The following ASMTL variants were observed in gnomAD, a reference collection of about 807,000 sequenced individuals.
The protein encoded by ASMTL is probable bifunctional dTTP/UTP pyrophosphatase/methyltransferase protein.
A neutral mutation model predicts 60.3 loss-of-function variants in ASMTL; 57 were observed. The observed-to-expected ratio is 0.95, with a 90% CI of 0.76 to 1.18. ASMTL has a LOEUF of 1.18. Ranked by LOEUF, ASMTL falls within the 50% of genes most tolerant of loss-of-function variation. The pLI is 0.00. For synonymous variants in ASMTL, 419 were observed against 373.0 expected (o/e 1.12, Z -1.42); for missense variants, 981 against 852.6 (o/e 1.15, Z -1.88).
chrX:1,436,987 C>G (rs756078983), intron 3 of ASMTL, among the ~76,000 whole-genome samples: 5 of 152,080 alleles, frequency 3.3e-5, no homozygotes, highest in Non-Finnish European at 7.4e-5. Flanking sequence ...CTCCTGAAGC[C>G]TCTCTCCTGG....
At chrX:1,448,870 A>G (rs1171681827) in intron 1 of ASMTL, among the ~76,000 whole-genome samples, 12 of 152,232 alleles carry the variant, frequency 7.9e-5, no homozygotes, top group African/African-American at 2.6e-4. Flanking sequence ...ACCATCTTGG[A>G]CACACACCGC....
chrX:1,416,402 CATACAG>C (rs2090264775), intron 11 of ASMTL, among the ~76,000 whole-genome samples: 1 of 82,732 alleles, frequency 1.2e-5, no homozygotes, highest in Non-Finnish European at 2.7e-5. Context: ...CACACACGGA[CATACAG>C]ATACACCAAC....
chrX:1,432,393 C>T lies in ASMTL; in HGVS notation c.401-16G>A, dbSNP rs750575418. The T allele has an allele frequency of 1.4e-4, 220 of 1,603,974 alleles. 1 individual carries two copies. In the Admixed American group the frequency reaches 3.6e-3, roughly 26 times the overall value. On this transcript the variant is annotated splice_polypyrimidine_tract_variant and intron_variant, in intron 5 of 12. Coordinates refer to ENST00000381317, the MANE Select transcript of ASMTL (RefSeq NM_004192.4). ...AGCTGATGGTCTGCAAGGACACAGC[C>T]GTGGGGGTGAGCGTGGACGCCAGCT...
chrX:1,420,430 C>T (rs1293076635), intron 9 of ASMTL, among the ~76,000 whole-genome samples: 5 of 152,166 alleles, frequency 3.3e-5, no homozygotes, highest in African/African-American at 1.2e-4. Context: ...CTGCAGGAAG[C>T]CCCCGGCTCC....
chrX:1,417,131 ACACACAACCACAGCAGTCACATATG>A (rs1285016616), intron 11 of ASMTL, among the ~76,000 whole-genome samples: 3 of 151,888 alleles, frequency 2.0e-5, no homozygotes, highest in East Asian at 1.9e-4. Flanking sequence ...ATGCACACAG[ACACACAACCACAGCAGTCACATATG>A]CACACAACCA....
intron 6 of ASMTL, among the ~76,000 whole-genome samples, chrX:1,430,545 A>C (rs2090741844): frequency 6.6e-6 from 1 of 151,988 alleles, no homozygotes; most frequent in African/African-American, 2.4e-5. Context: ...CTTTGGTGGA[A>C]GGATCGCCTG....
chrX:1,435,866 G>T, intron 3 of ASMTL, 108 bp from the exon 4 acceptor site: 1 of 951,544 alleles, frequency 1.1e-6, no homozygotes, highest in Non-Finnish European at 1.7e-6. Flanking sequence ...AAATGAAGCT[G>T]ACACGTCCTG....
chrX:1,412,900 G>T (rs1201769333), intron 11 of ASMTL, 46 bp from the exon 12 acceptor site: 2 of 1,611,108 alleles, frequency 1.2e-6, no homozygotes, highest in Admixed American at 3.3e-5. Flanking sequence ...TATGGAAGAA[G>T]CAGTCCTCCC....
At chrX:1,427,613 C>T in intron 7 of ASMTL, 121 bp downstream of exon 7, 5 of 1,096,372 alleles carry the variant, frequency 4.6e-6, no homozygotes, top group South Asian at 1.5e-5. Context: ...AAGCATGGCC[C>T]TGAGACAACC....
chrX:1,413,393 C>G (rs1256020340), intron 11 of ASMTL, among the ~76,000 whole-genome samples: 1 of 152,122 alleles, frequency 6.6e-6, no homozygotes. Flanking sequence ...AGCACCTGGG[C>G]GAGGCAGGCA....
intron 9 of ASMTL, among the ~76,000 whole-genome samples, chrX:1,420,487 C>T (rs2090453957): frequency 6.6e-6 from 1 of 152,222 alleles, no homozygotes; most frequent in African/African-American, 2.4e-5. Flanking sequence ...ACTCCGTGCT[C>T]ACTGCCACAG....
chrX:1,435,258 C>T (rs1569534116), intron 4 of ASMTL, 175 bp from the exon 5 acceptor site: 9 of 708,986 alleles, frequency 1.3e-5, no homozygotes, highest in South Asian at 3.4e-5. Context: ...ACGGAGAGGC[C>T]GAGGGAAGGG....
chrX:1,425,591 C>T lies in ASMTL; in HGVS notation c.994G>A (p.Ala332Thr). The change falls in exon 8 of 13, where the codon GCG becomes ACG. Residue 332 changes from alanine to threonine, a missense_variant. Physicochemically the swap from Ala to Thr is moderately conservative, Grantham distance 58. Coordinates refer to ENST00000381317, the MANE Select transcript of ASMTL (RefSeq NM_004192.4). ...ADIASKVDAS[A>T]CGMERLLDIC... is the part of the protein sequence containing the mutation. The stretch of plus-strand genomic sequence containing the variant: ...TCCAGAAGCCTCTCCATTCCACACG[C>T]AGAGGCGTCCACTTTGCTGGCAATA... 6.2e-7 allele frequency: 1 copy of T among 1,613,786 alleles called. No homozygotes were observed.
chrX:1,421,524 G>T, intron 9 of ASMTL, 134 bp downstream of exon 9: 1 of 963,138 alleles, frequency 1.0e-6, no homozygotes, highest in Non-Finnish European at 1.6e-6. Flanking sequence ...AAGTTCTCCA[G>T]GCAGAACGAG....
chrX:1,403,247 T>TA lies in ASMTL; in HGVS notation c.*21dup. On this transcript the variant is annotated 3_prime_UTR_variant, in exon 13 of 13. Transcript: ENST00000381317. Reference sequence around the variant, plus strand: ...TGCAGCCTGGGGGAGGACATCCCTATAATGAACATGCTGCCTGGGCTTCAG... The same window carrying TA: ...TGCAGCCTGGGGGAGGACATCCCTATAAATGAACATGCTGCCTGGGCTTCAG... 6.2e-7 allele frequency: 1 copy of TA among 1,607,352 alleles called. No homozygotes were observed. Among genetic ancestry groups the TA allele is most frequent in the Non-Finnish European group, 8.5e-7 (1 of 1,175,790 alleles).
chrX:1,431,188 T>C (rs2090771400), intron 6 of ASMTL, among the ~76,000 whole-genome samples: 1 of 126,618 alleles, frequency 7.9e-6, no homozygotes, highest in South Asian at 2.3e-4. Context: ...TATAATTATA[T>C]ATAATTATAT....
chrX:1,411,418 C>A (rs1161882855), intron 12 of ASMTL, among the ~76,000 whole-genome samples: 1 of 152,196 alleles, frequency 6.6e-6, no homozygotes, highest in Non-Finnish European at 1.5e-5. Context: ...GTCAGATTCC[C>A]TCAGGGCCAG....
At chrX:1,433,352 G>T (rs1457748247) in intron 5 of ASMTL, among the ~76,000 whole-genome samples, 4 of 151,590 alleles carry the variant, frequency 2.6e-5, no homozygotes, top group Non-Finnish European at 5.9e-5. Context: ...GGATGATGTC[G>T]TTAATCCTGG....
chrX:1,407,133 A>G (rs1181151672), intron 12 of ASMTL, among the ~76,000 whole-genome samples: 2 of 150,380 alleles, frequency 1.3e-5, no homozygotes. Context: ...GGATGGGTGA[A>G]CTGATGGTAG....
Sources: gnomAD v4.1 joint callset for allele counts (sites outside exome capture counted in the v4.1 genomes callset) on GRCh38, gnomAD v4.1.1 for gene constraint, MANE v1.5 for transcripts, NCBI Gene and HGNC (gene_info 2026-07-23, HGNC 2026-07-21) for gene names.